Variants in PIK3C2G observed in about 807,000 individuals in gnomAD.
PIK3C2G encodes the protein phosphatidylinositol-4-phosphate 3-kinase catalytic subunit type 2 gamma.
A neutral mutation model predicts 181.1 loss-of-function variants in PIK3C2G; 168 were observed. The ratio of observed to expected loss-of-function variants is 0.93; its 90% CI spans 0.82 to 1.05. The LOEUF (loss-of-function observed/expected upper bound fraction) is 1.05. PIK3C2G is among the 50% of genes least tolerant of loss of function. The pLI, the probability that PIK3C2G is intolerant of heterozygous loss-of-function variation, is 0.00. For missense variants in PIK3C2G, 1,869 were observed against 1,732.8 expected (o/e 1.08, Z -1.40); for synonymous variants, 573 against 592.2 (o/e 0.97, Z 0.47).
intron 18 of PIK3C2G, among the ~76,000 whole-genome samples, chr12:18,434,144 C>T (rs1413507351): frequency 6.6e-6 from 1 of 152,168 alleles, no homozygotes; most frequent in African/African-American, 2.4e-5. Flanking sequence ...GCACCTTGAA[C>T]ACTGCATCTT....
intron 16 of PIK3C2G, among the ~76,000 whole-genome samples, chr12:18,407,366 G>T (rs1485710205): frequency 6.6e-6 from 1 of 152,026 alleles, no homozygotes; most frequent in Non-Finnish European, 1.5e-5. Context: ...TATATGACTT[G>T]AAATACAGAA....
the PIK3C2G span, chr12:18,723,169 T>G: frequency 2.9e-6 from 2 of 680,214 alleles, no homozygotes; most frequent in South Asian, 1.9e-5. Context: ...AAATATATTT[T>G]CTCAAAGATA....
At chr12:18,714,262 A>G in the PIK3C2G span, among the ~76,000 whole-genome samples, 2 of 152,186 alleles carry the variant, frequency 1.3e-5, no homozygotes, top group Non-Finnish European at 2.9e-5. Context: ...AGTTGTTCCT[A>G]TTACCTATGA....
chr12:18,477,904 C>A (rs370939340), intron 18 of PIK3C2G, among the ~76,000 whole-genome samples: 5 of 152,128 alleles, frequency 3.3e-5, no homozygotes, highest in African/African-American at 1.2e-4. Flanking sequence ...TTGTTCACTG[C>A]GCAATATGAT....
intron 18 of PIK3C2G, among the ~76,000 whole-genome samples, chr12:18,440,729 T>C (rs923943370): frequency 6.6e-6 from 1 of 151,840 alleles, no homozygotes; most frequent in Non-Finnish European, 1.5e-5. Flanking sequence ...AGAGTAGGGG[T>C]AAGGGCAGGT....
At chr12:18,442,482 T>A (rs1330170086) in intron 18 of PIK3C2G, among the ~76,000 whole-genome samples, 4 of 152,144 alleles carry the variant, frequency 2.6e-5, no homozygotes, top group Non-Finnish European at 5.9e-5. Flanking sequence ...AAAATAAAAA[T>A]ATCTTTCGAT....
chr12:18,570,202 A>G (rs1945851741), intron 29 of PIK3C2G, among the ~76,000 whole-genome samples: 1 of 151,372 alleles, frequency 6.6e-6, no homozygotes, highest in Admixed American at 6.6e-5. Context: ...TTATCCATAA[A>G]TAAAATGCAC....
At chr12:18,470,128 T>C (rs1042798703) in intron 18 of PIK3C2G, among the ~76,000 whole-genome samples, 1 of 152,120 alleles carries the variant, frequency 6.6e-6, no homozygotes, top group African/African-American at 2.4e-5. Context: ...ATTTAAGGCA[T>C]AATATAGTAA....
At chr12:18,548,867 G>C (rs1944581710) in intron 26 of PIK3C2G, among the ~76,000 whole-genome samples, 1 of 151,900 alleles carries the variant, frequency 6.6e-6, no homozygotes, top group Non-Finnish European at 1.5e-5. Flanking sequence ...CTTATAATCT[G>C]ATTGTCTTTG....
intron 16 of PIK3C2G, among the ~76,000 whole-genome samples, chr12:18,406,653 A>C (rs1375481355): frequency 6.6e-6 from 1 of 152,168 alleles, no homozygotes; most frequent in Non-Finnish European, 1.5e-5. Flanking sequence ...GAAAAGAGAT[A>C]GATAGGTGAA....
intron 31 of PIK3C2G, among the ~76,000 whole-genome samples, chr12:18,637,747 CA>C (rs1347716508): frequency 6.6e-6 from 1 of 152,198 alleles, no homozygotes; most frequent in African/African-American, 2.4e-5. Flanking sequence ...TTATTTCTCA[CA>C]GTGTTGTTGA....
At chr12:18,273,669 A>G (rs1339004504) in intron 1 of PIK3C2G, among the ~76,000 whole-genome samples, 2 of 152,122 alleles carry the variant, frequency 1.3e-5, no homozygotes, top group East Asian at 3.8e-4. Context: ...TGGATTAAAG[A>G]CTTACATGTT....
At chr12:18,314,172 C>T (rs1950761471) in intron 6 of PIK3C2G, 108 bp downstream of exon 6, 2 of 602,288 alleles carry the variant, frequency 3.3e-6, no homozygotes, top group Non-Finnish European at 5.9e-6. Context: ...TTAATTAATA[C>T]ATGTTTATTT....
intron 26 of PIK3C2G, among the ~76,000 whole-genome samples, chr12:18,552,761 T>C (rs1944801063): frequency 1.3e-5 from 2 of 152,158 alleles, no homozygotes; most frequent in South Asian, 4.1e-4. Flanking sequence ...CCCAGTCACA[T>C]TCATTATGAT....
intron 2 of PIK3C2G, among the ~76,000 whole-genome samples, chr12:18,283,552 A>G (rs886310256): frequency 3.3e-5 from 5 of 152,202 alleles, no homozygotes; most frequent in Admixed American, 1.3e-4. Context: ...AATGAATGCA[A>G]AGAAGAAAAG....
At chr12:18,546,209 T>G in intron 25 of PIK3C2G, 114 bp from the exon 26 acceptor site, 2 of 647,698 alleles carry the variant, frequency 3.1e-6, no homozygotes, top group East Asian at 5.5e-5. Context: ...CTGAAAGACA[T>G]TGCCATGCAA....
chr12:18,397,765 T>C (rs1003656620), intron 15 of PIK3C2G, among the ~76,000 whole-genome samples: 4 of 152,086 alleles, frequency 2.6e-5, no homozygotes, highest in Non-Finnish European at 5.9e-5. Flanking sequence ...CTTCCTCTCA[T>C]AGATATTTCC....
At position 18,491,563 on chromosome 12, in the gene PIK3C2G, G is replaced by A. The variant is rs775215322; in HGVS notation, c.2793+5G>A. The A allele has an allele frequency of 9.1e-6, 13 of 1,433,222 alleles. No homozygotes were observed. The Admixed American group carries it at 1.0e-4, about 11-fold the overall frequency. The allele number at this position is 1,433,222 out of a possible 1,614,324, so 88.8% of individuals were successfully genotyped here. A position where few individuals can be genotyped will look rare whatever the true frequency, so the allele number is the denominator to read the frequency against. On this transcript the variant is annotated splice_donor_5th_base_variant and intron_variant, in intron 20 of 32. Coordinates refer to ENST00000538779, the MANE Select transcript of PIK3C2G (RefSeq NM_001288772.2). ...ATAAAAGGGATTGATCACGATGTAA[G>A]TCAACTTATTCCTCAGATTAATGGA...
At chr12:18,577,614 G>A (rs1167379446) in intron 29 of PIK3C2G, among the ~76,000 whole-genome samples, 1 of 152,120 alleles carries the variant, frequency 6.6e-6, no homozygotes, top group Non-Finnish European at 1.5e-5. Flanking sequence ...GAATATTTCA[G>A]CCATCTTCTA....
Sources: allele counts gnomAD v4.1 joint callset (sites outside exome capture counted in the v4.1 genomes callset), GRCh38; gene constraint gnomAD v4.1.1; transcripts MANE v1.5; gene names NCBI Gene and HGNC (gene_info 2026-07-23, HGNC 2026-07-21).